Variants in ZSWIM1 observed in about 807,000 individuals in gnomAD.
ZSWIM1 encodes the protein zinc finger SWIM domain-containing protein 1.
ZSWIM1 carries 22 observed loss-of-function variants against 29.3 expected under a neutral mutation model. That is an observed-to-expected ratio of 0.75 (90% CI 0.54 to 1.07). The LOEUF is 1.07. ZSWIM1 is among the 50% of genes least tolerant of loss of function. ZSWIM1 has a pLI of 0.00. For synonymous variants in ZSWIM1, 228 were observed against 240.8 expected (o/e 0.95, Z 0.49); for missense variants, 511 against 596.2 (o/e 0.86, Z 1.49).
At position 45,884,198 on chromosome 20, in the gene ZSWIM1, G is replaced by A. The variant is rs1986406012; in HGVS notation, c.*148G>A. 1 of 1,161,742 alleles carries A rather than the reference G, an allele frequency of 8.6e-7. No individual in the cohort carries two copies. The highest frequency in any genetic ancestry group is 1.2e-6 in the Non-Finnish European group (1 of 831,362). The allele number at this position is 1,161,742 out of a possible 1,614,324, so 72.0% of individuals were successfully genotyped here. ...CTCCTTCCAGAACAAGGACAACAAG[G>A]ACAAGGTTGAAGGGTCTTCTCATCT... On this transcript the variant is annotated 3_prime_UTR_variant, in exon 2 of 2. Coordinates refer to ENST00000372523, the MANE Select transcript of ZSWIM1 (RefSeq NM_080603.5).
intron 1 of ZSWIM1, 104 bp from the exon 2 acceptor site, chr20:45,882,429 A>T: frequency 1.3e-6 from 1 of 765,108 alleles, no homozygotes; most frequent in Non-Finnish European, 2.1e-6. Flanking sequence ...ATCTTCCCCT[A>T]GAACAGTGCT....
At position 45,882,797 on chromosome 20, in the gene ZSWIM1, C is replaced by CA; in HGVS notation, c.208dup (p.Ser70LysfsTer4). ...CTTCAACTACCAGAGCTGCTTTATG[C>CA]AAAGTGTCTTTGACCATTTCCCTGA... is the stretch of plus-strand genomic sequence containing the variant. On this transcript the variant is annotated frameshift_variant, in exon 2 of 2. Transcript: ENST00000372523. LOFTEE classifies it high-confidence loss of function. 6.2e-7 allele frequency: 1 copy of CA among 1,614,242 alleles called. No individual in the cohort carries two copies. The highest frequency in any genetic ancestry group is 8.5e-7 in the Non-Finnish European group (1 of 1,180,048).
In ZSWIM1 at chr20:45,884,595, T is replaced by G. The variant is rs577019332; in HGVS notation, c.*545T>G. On this transcript the variant is annotated 3_prime_UTR_variant, in exon 2 of 2. Coordinates refer to ENST00000372523, the MANE Select transcript of ZSWIM1 (RefSeq NM_080603.5). ...GCCAGGATGGTCTCGATCTCCTGAC[T>G]TCGTGATCTGCCCGCCTCGGCCTCC... 6.0e-6 allele frequency: 1 copy of G among 166,474 alleles called. No homozygotes were observed. The highest frequency in any genetic ancestry group is 2.4e-5 in the African/African-American group (1 of 41,324). The allele number at this position is 166,474 out of a possible 1,614,324, so 10.3% of individuals were successfully genotyped here.
rs759616406 is a variant in ZSWIM1 at position 45,883,450 on chromosome 20, G to A, written c.858G>A (p.Met286Ile). 82 of 1,614,092 alleles carry A rather than the reference G, an allele frequency of 5.1e-5. No homozygotes were observed. The highest frequency in any genetic ancestry group is 6.9e-5 in the Non-Finnish European group (81 of 1,180,048). Residue 286 changes from methionine (M) to isoleucine (I), a missense_variant, in exon 2 of 2, where the codon ATG becomes ATA. By Grantham distance (10) the Met-to-Ile change is conservative. Coordinates refer to ENST00000372523, the MANE Select transcript of ZSWIM1 (RefSeq NM_080603.5). ...KQGMASLFRY[M>I]QQNSADKANF... ...GTATGGCTTCTCTGTTCCGTTACATGCAGCAGAACTCTGCAGACAAGGCAA... is the reference window on the plus strand; with the variant it reads ...GTATGGCTTCTCTGTTCCGTTACATACAGCAGAACTCTGCAGACAAGGCAA...
Position 45,884,015 on chromosome 20 carries a change from A to C in ZSWIM1, c.1423A>C (p.Ser475Arg), listed in dbSNP as rs200463854. The change falls in exon 2 of 2, where the codon AGC (serine) becomes CGC (arginine). Residue 475 changes from serine (S) to arginine (R), a missense_variant. Coordinates refer to ENST00000372523, the MANE Select transcript of ZSWIM1 (RefSeq NM_080603.5). ...RYSTLRELAD[S>R]WIGPYEQVQL Reference sequence around the variant, plus strand: ...TAGCACCCTGCGGGAACTGGCCGACAGCTGGATTGGGCCTTATGAGCAGGT... The same window carrying C: ...TAGCACCCTGCGGGAACTGGCCGACCGCTGGATTGGGCCTTATGAGCAGGT... 2.5e-4 allele frequency: 398 copies of C among 1,613,848 alleles called. No homozygotes were observed. The highest frequency in any genetic ancestry group is 3.2e-4 in the Non-Finnish European group (378 of 1,179,812).
rs959766594 is a variant in ZSWIM1, at chr20:45,884,142, A to T, written c.*92A>T. 8 of 1,342,404 alleles carry T rather than the reference A, an allele frequency of 6.0e-6. No homozygotes were observed. The highest frequency in any genetic ancestry group is 3.3e-5 in the African/African-American group (2 of 61,118). The allele number at this position is 1,342,404 out of a possible 1,614,324, so 83.2% of individuals were successfully genotyped here. ...CACACACACACACACACACACACAC[A>T]CTCCCTTACACTGTTGTACTTCCGT... On this transcript the variant is annotated 3_prime_UTR_variant, in exon 2 of 2. Transcript: ENST00000372523.
At position 45,884,290 on chromosome 20, in the gene ZSWIM1, T is replaced by G. The variant is rs1434526914; in HGVS notation, c.*240T>G. The G allele has an allele frequency of 1.6e-5, 8 of 490,938 alleles. No homozygotes were observed. Among genetic ancestry groups the G allele is most frequent in the Admixed American group, 7.5e-5 (2 of 26,744 alleles). The allele number at this position is 490,938 out of a possible 1,614,324, so 30.4% of individuals were successfully genotyped here. Reference sequence around the variant, plus strand: ...AGGAGTCAGCAAATCTTAATCTGTTTAGTTTACTCAGGTGGCCACATACAG... The same window carrying G: ...AGGAGTCAGCAAATCTTAATCTGTTGAGTTTACTCAGGTGGCCACATACAG... On this transcript the variant is annotated 3_prime_UTR_variant, in exon 2 of 2. Coordinates refer to ENST00000372523, the MANE Select transcript of ZSWIM1 (RefSeq NM_080603.5).
Position 45,884,371 on chromosome 20 carries a change from T to A in ZSWIM1, c.*321T>A. ...ATATTTTTTTTCTTTTTTTTTTTTT[T>A]TTTTTTTTTGAGAAGGAGTCTGTCT... On this transcript the variant is annotated 3_prime_UTR_variant, in exon 2 of 2. Transcript: ENST00000372523. 5.3e-6 allele frequency: 1 copy of A among 188,708 alleles called. No homozygotes were observed. Among genetic ancestry groups the A allele is most frequent in the Non-Finnish European group, 1.1e-5 (1 of 91,606 alleles). 11.7% of individuals were successfully genotyped at this position (188,708 alleles called of 1,614,324 possible).
At position 45,883,859 on chromosome 20, in the gene ZSWIM1, A is replaced by G. The variant is rs778390299; in HGVS notation, c.1267A>G (p.Thr423Ala). Residue 423 changes from threonine to alanine, a missense_variant, in exon 2 of 2, where the codon ACC becomes GCC. Physicochemically the swap from Thr to Ala is moderately conservative, Grantham distance 58. Transcript: ENST00000372523. ...LPAQWTAGCA[T>A]SLDSILGSKW... The stretch of plus-strand genomic sequence containing the variant: ...GGCTCAGTGGACGGCAGGCTGTGCT[A>G]CCAGTCTAGACAGCATCCTGGGCAG... The G allele has an allele frequency of 3.1e-6, 5 of 1,613,594 alleles. No individual in the cohort carries two copies. The African/African-American group carries it at 4.0e-5, about 13-fold the overall frequency.
chr20:45,883,622 G>T lies in ZSWIM1; in HGVS notation c.1030G>T (p.Gly344Cys). Residue 344 changes from glycine to cysteine, a missense_variant, in exon 2 of 2, where the codon GGC becomes TGC. Transcript: ENST00000372523. ...CTGPAAQLCL[G>C]ELAVVQKSTH... ...AGGGCCAGCAGCCCAACTGTGCCTGGGCGAGCTTGCTGTGGTCCAGAAATC... is the reference window on the plus strand; with the variant it reads ...AGGGCCAGCAGCCCAACTGTGCCTGTGCGAGCTTGCTGTGGTCCAGAAATC... 1 of 1,614,164 alleles carries T rather than the reference G, an allele frequency of 6.2e-7. No individual in the cohort carries two copies. Among genetic ancestry groups the T allele is most frequent in the South Asian group, 1.1e-5 (1 of 91,074 alleles).
Position 45,882,568 on chromosome 20 carries a change from C to T in ZSWIM1, c.-25C>T. On this transcript the variant is annotated 5_prime_UTR_variant, in exon 2 of 2. Coordinates refer to ENST00000372523, the MANE Select transcript of ZSWIM1 (RefSeq NM_080603.5). Reference sequence around the variant, plus strand: ...GGAAAAAAGATCTGGGAATGATTGTCTAGCCTCCAGCCTCAACTTACTTGA... The same window carrying T: ...GGAAAAAAGATCTGGGAATGATTGTTTAGCCTCCAGCCTCAACTTACTTGA... The T allele has an allele frequency of 1.9e-6, 3 of 1,594,562 alleles. No homozygotes were observed. Among genetic ancestry groups the T allele is most frequent in the South Asian group, 2.3e-5 (2 of 87,802 alleles).
rs1481305481 is a variant in ZSWIM1 at position 45,883,140 on chromosome 20, A to T, written c.548A>T (p.Gln183Leu). 6.2e-7 allele frequency: 1 copy of T among 1,613,996 alleles called. No individual in the cohort carries two copies. The highest frequency in any genetic ancestry group is 8.5e-7 in the Non-Finnish European group (1 of 1,180,020). Residue 183 changes from glutamine to leucine, a missense_variant, in exon 2 of 2, where the codon CAG becomes CTG. By Grantham distance (113) the Gln-to-Leu change is moderately radical. Coordinates refer to ENST00000372523, the MANE Select transcript of ZSWIM1 (RefSeq NM_080603.5). ...AAGTTCCTCCAGGCCAAGTTCTATC[A>T]GCTGTCCCTTGAACGGCCCGTGGAA... is the stretch of plus-strand genomic sequence containing the variant. ...ICKFLQAKFYQLSLERPVERL... is the reference protein window; with the variant it reads ...ICKFLQAKFYLLSLERPVERL...
rs747287995 is a variant in ZSWIM1 at position 45,883,050 on chromosome 20, C to T, written c.458C>T (p.Pro153Leu). The T allele has an allele frequency of 6.2e-7, 1 of 1,614,174 alleles. No homozygotes were observed. The highest frequency in any genetic ancestry group is 1.1e-5 in the South Asian group (1 of 91,084). Residue 153 changes from proline to leucine, a missense_variant, in exon 2 of 2, where the codon CCA (proline) becomes CTA (leucine). Physicochemically the swap from Pro to Leu is moderately conservative, Grantham distance 98. Coordinates refer to ENST00000372523, the MANE Select transcript of ZSWIM1 (RefSeq NM_080603.5). The part of the protein sequence containing the change: ...CTILVDPHFL[P>L]LPILAMEFPT... ...ATCCTGGTGGATCCTCATTTCCTTC[C>T]ACTGCCTATCCTAGCTATGGAGTTC...
rs551866738 is a variant in ZSWIM1, at chr20:45,883,845, C to T, written c.1253C>T (p.Thr418Met). 236 of 1,613,536 alleles carry T rather than the reference C, an allele frequency of 1.5e-4. 2 individuals are homozygous for T. In the South Asian group the frequency reaches 1.9e-3, roughly 13 times the overall value. Residue 418 changes from threonine to methionine, a missense_variant, in exon 2 of 2, where the codon ACG (threonine) becomes ATG (methionine). Coordinates refer to ENST00000372523, the MANE Select transcript of ZSWIM1 (RefSeq NM_080603.5). ...CCCGACATGCTGCCGGCTCAGTGGA[C>T]GGCAGGCTGTGCTACCAGTCTAGAC... ...LQPDMLPAQW[T>M]AGCATSLDSI...
rs1373627658 is a variant in ZSWIM1 at position 45,882,824 on chromosome 20, A to G, written c.232A>G (p.Ile78Val). 6.2e-7 allele frequency: 1 copy of G among 1,614,130 alleles called. No individual in the cohort carries two copies. Among genetic ancestry groups the G allele is most frequent in the Admixed American group, 1.7e-5 (1 of 60,016 alleles). ...MQSVFDHFPE[I>V]LFIHRTYNPR... ...AAGTGTCTTTGACCATTTCCCTGAGATCTTATTTATCCACCGGACCTATAA... is the reference window on the plus strand; with the variant it reads ...AAGTGTCTTTGACCATTTCCCTGAGGTCTTATTTATCCACCGGACCTATAA... Residue 78 changes from isoleucine to valine, a missense_variant, in exon 2 of 2, where the codon ATC becomes GTC. Ile to Val is a conservative substitution (Grantham distance 29, BLOSUM62 3). Coordinates refer to ENST00000372523, the MANE Select transcript of ZSWIM1 (RefSeq NM_080603.5).
upstream of ZSWIM1, among the ~76,000 whole-genome samples, chr20:45,880,971 T>A (rs1986241176): frequency 6.6e-6 from 1 of 152,232 alleles, no homozygotes; most frequent in South Asian, 2.1e-4. Flanking sequence ...TAGTAACGTG[T>A]CCTTCCAGTC....
rs1986381701 is a variant in ZSWIM1, at chr20:45,883,841, T to C, written c.1249T>C (p.Trp417Arg). 2 of 1,613,548 alleles carry C rather than the reference T, an allele frequency of 1.2e-6. No individual in the cohort carries two copies. The highest frequency in any genetic ancestry group is 1.1e-5 in the South Asian group (1 of 91,078). Residue 417 changes from tryptophan (W) to arginine (R), a missense_variant, in exon 2 of 2, where the codon TGG (tryptophan) becomes CGG (arginine). Transcript: ENST00000372523. ...CCAGCCCGACATGCTGCCGGCTCAG[T>C]GGACGGCAGGCTGTGCTACCAGTCT... ...VLQPDMLPAQ[W>R]TAGCATSLDS... is the part of the protein sequence containing the mutation.
At position 45,883,411 on chromosome 20, in the gene ZSWIM1, A is replaced by T. The variant is rs756439755; in HGVS notation, c.819A>T (p.Pro273=). The T allele has an allele frequency of 6.2e-7, 1 of 1,614,216 alleles. No individual in the cohort carries two copies. Among genetic ancestry groups the T allele is most frequent in the South Asian group, 1.1e-5 (1 of 91,084 alleles). Reference sequence around the variant, plus strand: ...TCAGCCAGTTCTTTGGTACCACCCCATCTGAGAAACAAGGTATGGCTTCTC... The same window carrying T: ...TCAGCCAGTTCTTTGGTACCACCCCTTCTGAGAAACAAGGTATGGCTTCTC... ...HILSQFFGTT[P]SEKQGMASLF... The change falls in exon 2 of 2, where the codon CCA becomes CCT. Residue 273 remains proline (P), a synonymous_variant. Transcript: ENST00000372523.
chr20:45,882,389 T>A, intron 1 of ZSWIM1, 144 bp from the exon 2 acceptor site: 1 of 597,576 alleles, frequency 1.7e-6, no homozygotes, highest in Non-Finnish European at 2.9e-6. Flanking sequence ...TGGATATATA[T>A]TTGCTTATTT....
Sources: gnomAD v4.1 joint callset for allele counts (sites outside exome capture counted in the v4.1 genomes callset) on GRCh38, gnomAD v4.1.1 for gene constraint, MANE v1.5 for transcripts, NCBI Gene and HGNC (gene_info 2026-07-23, HGNC 2026-07-21) for gene names.